Variants in CCR9 observed in about 807,000 individuals in gnomAD.
The protein encoded by CCR9 is C-C motif chemokine receptor 9, also known as C-C chemokine receptor type 9.
A neutral mutation model predicts 8.7 loss-of-function variants in CCR9; 4 were observed. The ratio of observed to expected loss-of-function variants is 0.46; its 90% CI spans 0.23 to 1.06. The LOEUF (loss-of-function observed/expected upper bound fraction) is 1.06, where lower values mean the gene tolerates loss of function less well. Among genes scored for constraint, CCR9 ranks in the 50% least tolerant of loss-of-function variants. CCR9 has a pLI of 0.21. For missense variants in CCR9, 394 were observed against 453.6 expected (o/e 0.87, Z 1.19); for synonymous variants, 159 against 168.8 (o/e 0.94, Z 0.45).
chr3:45,892,194 T>C (rs1465881770), intron 1 of CCR9, among the ~76,000 whole-genome samples: 2 of 152,192 alleles, frequency 1.3e-5, no homozygotes, highest in African/African-American at 4.8e-5. Flanking sequence ...CATATACATA[T>C]ACAAATTGTC....
At chr3:45,895,713 TA>T (rs35514118) in intron 2 of CCR9, among the ~76,000 whole-genome samples, 5,219 of 139,456 alleles carry the variant, frequency 0.037, 106 homozygotes, top group Admixed American at 0.12. Context: ...GACTCTGTCT[TA>T]AAAAAAAAAA....
At chr3:45,898,997 C>T (rs1702460601) in intron 2 of CCR9, among the ~76,000 whole-genome samples, 1 of 152,130 alleles carries the variant, frequency 6.6e-6, no homozygotes, top group South Asian at 2.1e-4. Context: ...GAAATCCCGT[C>T]TCTACTAAAA....
chr3:45,897,622 AG>A, intron 2 of CCR9: 1 of 1,534,950 alleles, frequency 6.5e-7, no homozygotes. Flanking sequence ...ATCTCCTTCC[AG>A]GACCTTAGCC....
At chr3:45,892,411 C>T (rs569807938) in intron 1 of CCR9, among the ~76,000 whole-genome samples, 5 of 152,196 alleles carry the variant, frequency 3.3e-5, no homozygotes, top group Non-Finnish European at 7.4e-5. Flanking sequence ...TCCTTTGAAG[C>T]AACATGGATG....
At chr3:45,892,377 G>A (rs1482651453) in intron 1 of CCR9, among the ~76,000 whole-genome samples, 1 of 152,066 alleles carries the variant, frequency 6.6e-6, no homozygotes, top group Non-Finnish European at 1.5e-5. Flanking sequence ...ATACTACACA[G>A]CCATAAAAAA....
intron 1 of CCR9, among the ~76,000 whole-genome samples, chr3:45,890,630 G>C (rs1206460914): frequency 6.6e-6 from 1 of 151,888 alleles, no homozygotes; most frequent in Non-Finnish European, 1.5e-5. Context: ...TCACTCCACA[G>C]AGCTGAAGAT....
rs779289779 is a variant in CCR9, at chr3:45,901,651, A to G, written c.863A>G (p.Asn288Ser). The G allele has an allele frequency of 2.5e-6, 4 of 1,613,902 alleles. No individual in the cohort carries two copies. The highest frequency in any genetic ancestry group is 3.4e-6 in the Non-Finnish European group (4 of 1,179,900). ...TIDAYAMFIS[N>S]CAVSTNIDIC... is the part of the protein sequence containing the mutation. Reference sequence around the variant, plus strand: ...GACGCCTATGCCATGTTCATCTCCAACTGTGCCGTTTCCACCAACATTGAC... The same window carrying G: ...GACGCCTATGCCATGTTCATCTCCAGCTGTGCCGTTTCCACCAACATTGAC... The change falls in exon 3 of 3, where the codon AAC becomes AGC. Residue 288 changes from asparagine to serine, a missense_variant. Physicochemically the swap from Asn to Ser is conservative, Grantham distance 46. Transcript: ENST00000357632. The surrounding 1 kb of genome is among the most constrained non-coding windows in gnomAD (Gnocchi z 4.3).
intron 2 of CCR9, among the ~76,000 whole-genome samples, chr3:45,895,354 T>C (rs1702318807): frequency 6.6e-6 from 1 of 152,232 alleles, no homozygotes; most frequent in Non-Finnish European, 1.5e-5. Flanking sequence ...TAACATTATG[T>C]AGACCTTATG....
At chr3:45,897,861 G>A (rs1041641653) in intron 2 of CCR9, among the ~76,000 whole-genome samples, 111 of 151,946 alleles carry the variant, frequency 7.3e-4, no homozygotes, top group African/African-American at 2.6e-3. Flanking sequence ...TTGCTGGACC[G>A]GAGAAGCAAC....
Position 45,901,308 on chromosome 3 carries a change from G to T in CCR9, c.520G>T (p.Val174Leu). The T allele has an allele frequency of 6.2e-7, 1 of 1,614,176 alleles. No individual in the cohort carries two copies. The highest frequency in any genetic ancestry group is 8.5e-7 in the Non-Finnish European group (1 of 1,180,034). Residue 174 changes from valine (V) to leucine (L), a missense_variant, in exon 3 of 3, where the codon GTA becomes TTA. Physicochemically the swap from Val to Leu is conservative, Grantham distance 32. Transcript: ENST00000357632. The surrounding 1 kb of genome is among the most constrained non-coding windows in gnomAD (Gnocchi z 4.3). ...YSKMVCFTIW[V>L]LAAALCIPEI... ...CAAAATGGTTTGCTTTACCATCTGG[G>T]TATTGGCAGCTGCTCTCTGCATCCC...
chr3:45,894,424 C>T (rs1702285389), intron 1 of CCR9, among the ~76,000 whole-genome samples: 1 of 152,136 alleles, frequency 6.6e-6, no homozygotes. Context: ...AGTCCAGAGC[C>T]CAGGGCATTC....
At chr3:45,892,699 A>G (rs1447920270) in intron 1 of CCR9, among the ~76,000 whole-genome samples, 1 of 152,142 alleles carries the variant, frequency 6.6e-6, no homozygotes, top group Non-Finnish European at 1.5e-5. Flanking sequence ...ACCTGCACAT[A>G]TACCCCTGAA....
intron 1 of CCR9, among the ~76,000 whole-genome samples, chr3:45,887,561 G>A (rs1702020379): frequency 1.3e-5 from 2 of 152,244 alleles, no homozygotes; most frequent in South Asian, 2.1e-4. Context: ...CATCCAGAGA[G>A]TGGTCACTGT....
rs371286887 is a variant in CCR9, at chr3:45,890,336, AC to A, written c.-29+3682del. Among the ~76,000 whole-genome samples, 12 of 58,468 alleles carry A rather than the reference AC, an allele frequency of 2.1e-4. 1 individual carries two copies. The highest frequency in any genetic ancestry group is 7.9e-4 in the African/African-American group (4 of 5,062). The allele number at this position is 58,468 out of a possible 152,430, so 38.4% of individuals were successfully genotyped here. A position where few individuals can be genotyped will look rare whatever the true frequency, so the allele number is the denominator to read the frequency against. On this transcript the variant is annotated intron_variant, in intron 1 of 2. Coordinates refer to ENST00000357632, the MANE Select transcript of CCR9 (RefSeq NM_031200.3). ...ATATATTTATATAAATATATATATA[AC>A]ATATATATATAACATATATATATAT...
chr3:45,901,889 C>A lies in CCR9; in HGVS notation c.1101C>A (p.Leu367=). ...TGCTGGAGACAACCTCAGGAGCACTCTCCCTCTGAGGGGTCTTCTCTGAGG... is the reference window on the plus strand; with the variant it reads ...TGCTGGAGACAACCTCAGGAGCACTATCCCTCTGAGGGGTCTTCTCTGAGG... ...SMLLETTSGA[L]SL Residue 367 remains leucine (L), a synonymous_variant, in exon 3 of 3, where the codon CTC becomes CTA. Coordinates refer to ENST00000357632, the MANE Select transcript of CCR9 (RefSeq NM_031200.3). The surrounding 1 kb of genome is among the most constrained non-coding windows in gnomAD (Gnocchi z 4.3). 2 of 1,594,936 alleles carry A rather than the reference C, an allele frequency of 1.3e-6. No individual in the cohort carries two copies. The highest frequency in any genetic ancestry group is 1.7e-5 in the Admixed American group (1 of 58,634).
At chr3:45,897,609 T>G (rs1575302064) in intron 2 of CCR9, 1 of 1,535,616 alleles carries the variant, frequency 6.5e-7, no homozygotes, top group Non-Finnish European at 8.7e-7. Context: ...GGCCCAGGAA[T>G]CCATCTCCTT....
At chr3:45,893,122 G>A (rs1702240168) in intron 1 of CCR9, among the ~76,000 whole-genome samples, 1 of 150,648 alleles carries the variant, frequency 6.6e-6, no homozygotes, top group South Asian at 2.1e-4. Context: ...CTGCCCTCCT[G>A]CCCTCCCACA....
upstream of CCR9, among the ~76,000 whole-genome samples, chr3:45,886,304 G>A (rs1215120644): frequency 6.6e-6 from 1 of 152,218 alleles, no homozygotes; most frequent in African/African-American, 2.4e-5. Flanking sequence ...CAGCTGTGCT[G>A]TCTAGGAAGA....
intron 1 of CCR9, among the ~76,000 whole-genome samples, chr3:45,889,088 C>T (rs895759737): frequency 3.4e-4 from 51 of 152,238 alleles, no homozygotes; most frequent in African/African-American, 1.1e-3. Flanking sequence ...TGGGTTCAAG[C>T]GATTGTCCTG....
Sources: allele counts gnomAD v4.1 joint callset (sites outside exome capture counted in the v4.1 genomes callset), GRCh38; gene constraint gnomAD v4.1.1; non-coding constraint Gnocchi (gnomAD v3.1); transcripts MANE v1.5; gene names NCBI Gene and HGNC (gene_info 2026-07-23, HGNC 2026-07-21).